TRIM47: variants seen among roughly 807,000 people sequenced by gnomAD.
TRIM47 encodes the protein tripartite motif containing 47.
A neutral mutation model predicts 54.4 loss-of-function variants in TRIM47; 46 were observed. That is an observed-to-expected ratio of 0.84 (90% confidence interval 0.67 to 1.08). The LOEUF is 1.08. TRIM47 is among the 50% of genes least tolerant of loss of function. TRIM47 has a pLI of 0.00. For missense variants in TRIM47, 825 were observed against 910.1 expected, an observed-to-expected ratio of 0.91 and a Z score of 1.20; for synonymous variants, 392 against 410.2, an observed-to-expected ratio of 0.96 and a Z score of 0.54.
Position 75,874,460 on chromosome 17 carries a change from AGCAGGAGCGCCCGTGCCCG to A in TRIM47, c.*4_*22del. The A allele has an allele frequency of 6.7e-7, 1 of 1,488,208 alleles. No individual in the cohort carries two copies. The highest frequency in any genetic ancestry group is 8.9e-7 in the Non-Finnish European group (1 of 1,119,366). 92.2% of individuals were successfully genotyped at this position (1,488,208 alleles called of 1,614,324 possible). The stretch of plus-strand genomic sequence containing the variant: ...GGCAGCTTCCTGGAGCAGAGACGGC[AGCAGGAGCGCCCGTGCCCG>A]GCATCACCTCCTCTTCAGCACGGAT... On this transcript the variant is annotated 3_prime_UTR_variant, in exon 6 of 6. Transcript: ENST00000254816. This position sits in a 1 kb window ranked among gnomAD's most constrained non-coding sequence, Gnocchi z 6.2.
In TRIM47 at chr17:75,878,006, C is replaced by A. The variant is rs1435447909; in HGVS notation, c.543G>T (p.Leu181=). The A allele has an allele frequency of 9.6e-6, 14 of 1,464,598 alleles. No individual in the cohort carries two copies. The highest frequency in any genetic ancestry group is 4.8e-5 in the Admixed American group (2 of 42,100). 90.7% of individuals were successfully genotyped at this position (1,464,598 alleles called of 1,614,324 possible). A position where few individuals can be genotyped will look rare whatever the true frequency, so the allele number is the denominator to read the frequency against. The change falls in exon 1 of 6, where the codon CTG becomes CTT. Residue 181 remains leucine, a synonymous_variant. Coordinates refer to ENST00000254816, the MANE Select transcript of TRIM47 (RefSeq NM_033452.3). The stretch of plus-strand genomic sequence containing the variant: ...CGAGCGGCCGTAGGTGGCGCGGGCA[C>A]AGGCTCTCCTCTAGCCGGCGCAGCG... The part of the protein sequence containing the change: ...VPPLRRLEES[L]CPRHLRPLER...
Position 75,878,023 on chromosome 17 carries a change from G to C in TRIM47, c.526C>G (p.Arg176Gly), listed in dbSNP as rs755030751. 29 of 1,434,176 alleles carry C rather than the reference G, an allele frequency of 2.0e-5. No homozygotes were observed. The highest frequency in any genetic ancestry group is 1.5e-4 in the African/African-American group (10 of 67,064). The allele number at this position is 1,434,176 out of a possible 1,614,324, so 88.8% of individuals were successfully genotyped here. ...CGCGGGCACAGGCTCTCCTCTAGCC[G>C]GCGCAGCGGCGGCACCAGGCGGTGT... ...RGHRLVPPLR[R>G]LEESLCPRHL... The change falls in exon 1 of 6, where the codon CGG becomes GGG. Residue 176 changes from arginine to glycine, a missense_variant. By Grantham distance (125) the Arg-to-Gly change is moderately radical. Coordinates refer to ENST00000254816, the MANE Select transcript of TRIM47 (RefSeq NM_033452.3).
chr17:75,876,535 C>T (rs769304616), intron 2 of TRIM47, 43 bp from the exon 3 acceptor site: 7 of 1,535,188 alleles, frequency 4.6e-6, no homozygotes, highest in East Asian at 2.4e-5. Flanking sequence ...GGCAAAGAAC[C>T]GTCCCGGACT....
chr17:75,878,443 G>T lies in TRIM47; in HGVS notation c.106C>A (p.Leu36Ile). ...HNFCLACLGA[L>I]WPHRGASGAG... ...CCACTCGCGCCACGATGCGGCCAGA[G>T]CGCGCCCAGGCAGGCGAGACAGAAG... Residue 36 changes from leucine (L) to isoleucine (I), a missense_variant, in exon 1 of 6, where the codon CTC becomes ATC. Transcript: ENST00000254816. 1 of 1,427,986 alleles carries T rather than the reference G, an allele frequency of 7.0e-7. No individual in the cohort carries two copies. 88.5% of individuals were successfully genotyped at this position (1,427,986 alleles called of 1,614,324 possible).
Position 75,875,521 on chromosome 17 carries a change from T to A in TRIM47, c.1202-47A>T, listed in dbSNP as rs1414127204. 1 of 1,539,364 alleles carries A rather than the reference T, an allele frequency of 6.5e-7. No homozygotes were observed. The highest frequency in any genetic ancestry group is 1.1e-5 in the South Asian group (1 of 89,390). ...TGAGAACGCCCCCAGACTGCCCCCCTCTGAACCTGTGACTACAATCCCTAC... is the reference window on the plus strand; with the variant it reads ...TGAGAACGCCCCCAGACTGCCCCCCACTGAACCTGTGACTACAATCCCTAC... On this transcript the variant is annotated intron_variant, in intron 4 of 5. Transcript: ENST00000254816. This position sits in a 1 kb window ranked among gnomAD's most constrained non-coding sequence, Gnocchi z 6.1.
rs2065118291 is a variant in TRIM47 at position 75,874,318 on chromosome 17, C to T, written c.*165G>A. 5.1e-6 allele frequency: 3 copies of T among 592,612 alleles called. No homozygotes were observed. The highest frequency in any genetic ancestry group is 9.8e-4 in the Middle Eastern group (2 of 2,040). The allele number at this position is 592,612 out of a possible 1,614,324, so 36.7% of individuals were successfully genotyped here. ...AGGGGAACAGGGTCTGGGGGTCCTC[C>T]TGCCTGGGAGAGGGAAGGCTGAGTG... On this transcript the variant is annotated 3_prime_UTR_variant, in exon 6 of 6. Coordinates refer to ENST00000254816, the MANE Select transcript of TRIM47 (RefSeq NM_033452.3). This position sits in a 1 kb window ranked among gnomAD's most constrained non-coding sequence, Gnocchi z 6.2.
chr17:75,878,194 G>A lies in TRIM47; in HGVS notation c.355C>T (p.Pro119Ser). 2 of 1,228,002 alleles carry A rather than the reference G, an allele frequency of 1.6e-6. No individual in the cohort carries two copies. Among genetic ancestry groups the A allele is most frequent in the African/African-American group, 1.6e-5 (1 of 63,854 alleles). The allele number at this position is 1,228,002 out of a possible 1,614,324, so 76.1% of individuals were successfully genotyped here. A position where few individuals can be genotyped will look rare whatever the true frequency, so the allele number is the denominator to read the frequency against. ...PEPSAPCAPE[P>S]WPAGEEPVRC... ...ACTGGCTCTTCGCCCGCGGGCCACG[G>A]CTCGGGAGCGCAGGGGGCCGACGGC... is the stretch of plus-strand genomic sequence containing the variant. Residue 119 changes from proline to serine, a missense_variant, in exon 1 of 6, where the codon CCG (proline) becomes TCG (serine). Coordinates refer to ENST00000254816, the MANE Select transcript of TRIM47 (RefSeq NM_033452.3).
At position 75,874,447 on chromosome 17, in the gene TRIM47, G is replaced by A. The variant is rs759836929; in HGVS notation, c.*36C>T. 6.7e-7 allele frequency: 1 copy of A among 1,484,678 alleles called. No homozygotes were observed. The highest frequency in any genetic ancestry group is 8.9e-7 in the Non-Finnish European group (1 of 1,117,822). The allele number at this position is 1,484,678 out of a possible 1,614,324, so 92.0% of individuals were successfully genotyped here. ...AGGGCCCAGAGGAGGCAGCTTCCTG[G>A]AGCAGAGACGGCAGCAGGAGCGCCC... is the stretch of plus-strand genomic sequence containing the variant. On this transcript the variant is annotated 3_prime_UTR_variant, in exon 6 of 6. Transcript: ENST00000254816. This position sits in a 1 kb window ranked among gnomAD's most constrained non-coding sequence, Gnocchi z 6.2.
At position 75,875,160 on chromosome 17, in the gene TRIM47, G is replaced by A; in HGVS notation, c.1277-37C>T. On this transcript the variant is annotated intron_variant, in intron 5 of 5. Transcript: ENST00000254816. This position sits in a 1 kb window ranked among gnomAD's most constrained non-coding sequence, Gnocchi z 6.1. ...GACAGAAGAGAGAGGCAGGGCTCAG[G>A]GCCAGGCTCAGAGGGCACGGCCCCT... 6.4e-7 allele frequency: 1 copy of A among 1,557,390 alleles called. No individual in the cohort carries two copies. Among genetic ancestry groups the A allele is most frequent in the Non-Finnish European group, 8.7e-7 (1 of 1,150,218 alleles).
rs1426292751 is a variant in TRIM47 at position 75,878,299 on chromosome 17, C to T, written c.250G>A (p.Gly84Ser). ...SELLQLRQGS[G>S]PGSGPGPAPA... ...GCCGGGCCGGGGCCGGACCCGGGGC[C>T]CGAGCCCTGGCGGAGCTGCAGCAGC... is the stretch of plus-strand genomic sequence containing the variant. The change falls in exon 1 of 6, where the codon GGC (glycine) becomes AGC (serine). Residue 84 changes from glycine to serine, a missense_variant. Coordinates refer to ENST00000254816, the MANE Select transcript of TRIM47 (RefSeq NM_033452.3). The T allele has an allele frequency of 1.6e-6, 2 of 1,274,548 alleles. No homozygotes were observed. The highest frequency in any genetic ancestry group is 3.1e-5 in the African/African-American group (2 of 64,426). The allele number at this position is 1,274,548 out of a possible 1,614,324, so 79.0% of individuals were successfully genotyped here.
rs2065126885 is a variant in TRIM47, at chr17:75,875,302, A to G, written c.1276+98T>C. Reference sequence around the variant, plus strand: ...CTAGCTCTCCCCACAAACTGGGGAGAGGAATCCTAACCCTTGTGTGCCAGG... The same window carrying G: ...CTAGCTCTCCCCACAAACTGGGGAGGGGAATCCTAACCCTTGTGTGCCAGG... On this transcript the variant is annotated intron_variant, in intron 5 of 5. Transcript: ENST00000254816. This position sits in a 1 kb window ranked among gnomAD's most constrained non-coding sequence, Gnocchi z 6.1. 3 of 1,464,198 alleles carry G rather than the reference A, an allele frequency of 2.0e-6. No homozygotes were observed. Among genetic ancestry groups the G allele is most frequent in the African/African-American group, 2.8e-5 (2 of 70,938 alleles). 90.7% of individuals were successfully genotyped at this position (1,464,198 alleles called of 1,614,324 possible).
rs767137018 is a variant in TRIM47 at position 75,876,068 on chromosome 17, T to C, written c.1034A>G (p.Asp345Gly). The stretch of plus-strand genomic sequence containing the variant: ...GGGTCCAGGCCCAGGGCCACACCCA[T>C]CCTCCAGGGCCAGCCTTAGTGCCAG... ...ELLALRLALEDGCGPGPGPPR... is the reference protein window; with the variant it reads ...ELLALRLALEGGCGPGPGPPR... The change falls in exon 4 of 6, where the codon GAT becomes GGT. Residue 345 changes from aspartate to glycine, a missense_variant. Asp to Gly is a moderately conservative substitution (Grantham distance 94). Transcript: ENST00000254816. The C allele has an allele frequency of 3.7e-6, 6 of 1,601,660 alleles. No individual in the cohort carries two copies. Among genetic ancestry groups the C allele is most frequent in the Non-Finnish European group, 4.2e-6 (5 of 1,179,934 alleles).
chr17:75,876,668 C>G, intron 2 of TRIM47, 50 bp downstream of exon 2: 2 of 1,603,178 alleles, frequency 1.2e-6, no homozygotes. Flanking sequence ...TAGGTATGGG[C>G]ATGGTTTGTT....
rs1211556277 is a variant in TRIM47, at chr17:75,877,499, T to A, written c.675+375A>T. 3.5e-5 allele frequency: 10 copies of A among 282,764 alleles called. No individual in the cohort carries two copies. The East Asian group carries it at 7.9e-4, about 22-fold the overall frequency. 17.5% of individuals were successfully genotyped at this position (282,764 alleles called of 1,614,324 possible). On this transcript the variant is annotated intron_variant, in intron 1 of 5. Transcript: ENST00000254816. ...GCCTGCCACACCCATCGAAAGCTGC[T>A]GCCTCAGCCCAGGGCAAATCTGAGC...
chr17:75,877,591 G>A, intron 1 of TRIM47: 1 of 1,035,068 alleles, frequency 9.7e-7, no homozygotes, highest in Non-Finnish European at 1.2e-6. Flanking sequence ...GGCCTAACCC[G>A]GCTCCCTCCC....
Position 75,878,166 on chromosome 17 carries a change from C to T in TRIM47, c.383G>A (p.Arg128His). The change falls in exon 1 of 6, where the codon CGC (arginine) becomes CAC (histidine). Residue 128 changes from arginine (R) to histidine (H), a missense_variant. Transcript: ENST00000254816. ...CGCGCCCTCGGGGCACGCGTCGCAGCGCACTGGCTCTTCGCCCGCGGGCCA... is the reference window on the plus strand; with the variant it reads ...CGCGCCCTCGGGGCACGCGTCGCAGTGCACTGGCTCTTCGCCCGCGGGCCA... Reference protein sequence around the residue: ...EPWPAGEEPVRCDACPEGAAL... With the variant: ...EPWPAGEEPVHCDACPEGAAL... 1 of 1,233,854 alleles carries T rather than the reference C, an allele frequency of 8.1e-7. No individual in the cohort carries two copies. The allele number at this position is 1,233,854 out of a possible 1,614,324, so 76.4% of individuals were successfully genotyped here. A position where few individuals can be genotyped will look rare whatever the true frequency, so the allele number is the denominator to read the frequency against.
At position 75,874,445 on chromosome 17, in the gene TRIM47, T is replaced by A; in HGVS notation, c.*38A>T. The A allele has an allele frequency of 2.0e-6, 3 of 1,483,756 alleles. No homozygotes were observed. The highest frequency in any genetic ancestry group is 2.7e-6 in the Non-Finnish European group (3 of 1,117,364). The allele number at this position is 1,483,756 out of a possible 1,614,324, so 91.9% of individuals were successfully genotyped here. ...AGAGGGCCCAGAGGAGGCAGCTTCC[T>A]GGAGCAGAGACGGCAGCAGGAGCGC... On this transcript the variant is annotated 3_prime_UTR_variant, in exon 6 of 6. Coordinates refer to ENST00000254816, the MANE Select transcript of TRIM47 (RefSeq NM_033452.3). The surrounding 1 kb of genome is among the most constrained non-coding windows in gnomAD (Gnocchi z 6.2).
At position 75,876,832 on chromosome 17, in the gene TRIM47, A is replaced by G. The variant is rs1483909912; in HGVS notation, c.676-19T>C. ...GCTCAGCCTGTGGACAACACCCTCC[A>G]TGAGTGTGAGGTCTGGCAGAGGCCA... On this transcript the variant is annotated intron_variant, in intron 1 of 5. Transcript: ENST00000254816. The G allele has an allele frequency of 3.1e-6, 5 of 1,611,892 alleles. No homozygotes were observed. The highest frequency in any genetic ancestry group is 3.4e-6 in the Non-Finnish European group (4 of 1,178,564).
intron 1 of TRIM47, 43 bp downstream of exon 1, chr17:75,877,831 G>A (rs778420237): frequency 7.7e-7 from 1 of 1,291,362 alleles, no homozygotes; most frequent in Admixed American, 4.2e-5. Flanking sequence ...GCGCGCGGTC[G>A]GTCACCAGCC....
Sources: allele counts gnomAD v4.1 joint callset, GRCh38; gene constraint gnomAD v4.1.1; non-coding constraint Gnocchi (gnomAD v3.1); transcripts MANE v1.5; gene names NCBI Gene and HGNC (gene_info 2026-07-23, HGNC 2026-07-21).